The following VEGFC variants were observed in gnomAD, a reference collection of about 807,000 sequenced individuals.
VEGFC encodes the protein vascular endothelial growth factor C, also known as FLT4 ligand DHM.
In VEGFC, 12 loss-of-function variants were observed where a neutral mutation model predicts 46.1. The ratio of observed to expected loss-of-function variants is 0.26; its 90% CI spans 0.17 to 0.42. VEGFC has a LOEUF of 0.42. Ranked by LOEUF, VEGFC falls within the 10% of genes least tolerant of loss-of-function variation. VEGFC has a pLI of 1.00. For synonymous variants in VEGFC, 232 were observed against 195.5 expected (o/e 1.19, Z -1.56); for missense variants, 488 against 529.4 (o/e 0.92, Z 0.77).
chr4:176,738,820 A>G (rs1022628380), intron 1 of VEGFC, among the ~76,000 whole-genome samples: 3 of 152,078 alleles, frequency 2.0e-5, no homozygotes, highest in African/African-American at 7.2e-5. Context: ...AAAGTCTAAT[A>G]TCCAGAGTCT....
chr4:176,727,051 A>C (rs1734883101), intron 3 of VEGFC, among the ~76,000 whole-genome samples: 1 of 152,172 alleles, frequency 6.6e-6, no homozygotes, highest in Admixed American at 6.5e-5. Context: ...GGTGCACACA[A>C]TTTCAAACAA....
intron 1 of VEGFC, among the ~76,000 whole-genome samples, chr4:176,748,680 T>C (rs956175374): frequency 2.6e-5 from 4 of 152,012 alleles, no homozygotes; most frequent in Non-Finnish European, 5.9e-5. Flanking sequence ...CTATTTCTGA[T>C]AGTAATCAGA....
rs1736126283 is a variant in VEGFC at position 176,792,739 on chromosome 4, C to G, written c.-428G>C. On this transcript the variant is annotated 5_prime_UTR_variant, in exon 1 of 7. Transcript: ENST00000618562. The surrounding 1 kb of genome is among the most constrained non-coding windows in gnomAD (Gnocchi z 6.3). Reference sequence around the variant, plus strand: ...TCGTCCCCCTCCTCCCTCCCCTTCCCCGAAGTGAGAGGAGCCGGGCCGCGG... The same window carrying G: ...TCGTCCCCCTCCTCCCTCCCCTTCCGCGAAGTGAGAGGAGCCGGGCCGCGG... 1.3e-5 allele frequency: 2 copies of G among 150,394 alleles called. No individual in the cohort carries two copies. Among genetic ancestry groups the G allele is most frequent in the African/African-American group, 4.9e-5 (2 of 41,050 alleles). 9.3% of individuals were successfully genotyped at this position (150,394 alleles called of 1,614,324 possible).
At chr4:176,743,433 C>G (rs1318393140) in intron 1 of VEGFC, among the ~76,000 whole-genome samples, 1 of 151,742 alleles carries the variant, frequency 6.6e-6, no homozygotes, top group African/African-American at 2.4e-5. Flanking sequence ...ATGATTAAAA[C>G]TCTTGTCATG....
At chr4:176,711,716 A>T in intron 3 of VEGFC, 66 bp from the exon 4 acceptor site, 6 of 1,536,184 alleles carry the variant, frequency 3.9e-6, no homozygotes, top group Non-Finnish European at 5.3e-6. Context: ...TATGGTAAAT[A>T]TTGGAGTCCG....
At chr4:176,785,154 G>T (rs1379179075) in intron 1 of VEGFC, among the ~76,000 whole-genome samples, 1 of 152,162 alleles carries the variant, frequency 6.6e-6, no homozygotes, top group East Asian at 1.9e-4. Context: ...ACTTATGACT[G>T]CATACTTTAC....
At chr4:176,692,048 T>C (rs542190338) in intron 4 of VEGFC, among the ~76,000 whole-genome samples, 1 of 152,142 alleles carries the variant, frequency 6.6e-6, no homozygotes, top group East Asian at 1.9e-4. Flanking sequence ...GGGCAGCACC[T>C]GGAAAATCGG....
At chr4:176,760,645 G>T (rs1434946129) in intron 1 of VEGFC, among the ~76,000 whole-genome samples, 1 of 152,090 alleles carries the variant, frequency 6.6e-6, no homozygotes, top group East Asian at 1.9e-4. Context: ...ATCTATGCCA[G>T]AATTTTTTCA....
At position 176,758,916 on chromosome 4, in the gene VEGFC, G is replaced by C. The variant is rs560570104; in HGVS notation, c.148-29170C>G. Among the ~76,000 whole-genome samples, 52 of 152,178 alleles carry C rather than the reference G, an allele frequency of 3.4e-4. 1 individual carries two copies. Among genetic ancestry groups the C allele is most frequent in the African/African-American group, 1.2e-3 (50 of 41,528 alleles). On this transcript the variant is annotated intron_variant, in intron 1 of 6. Coordinates refer to ENST00000618562, the MANE Select transcript of VEGFC (RefSeq NM_005429.5). ...TTTAGCTTCCAGTGGCATTTGCTCA[G>C]CTGTATCCTTGGCATTGCAAGCTCA... is the stretch of plus-strand genomic sequence containing the variant.
At chr4:176,720,988 C>CT (rs1734777166) in intron 3 of VEGFC, among the ~76,000 whole-genome samples, 2 of 151,788 alleles carry the variant, frequency 1.3e-5, no homozygotes, top group Admixed American at 1.3e-4. Flanking sequence ...ATGTTTAGGC[C>CT]TAAGGATGAG....
chr4:176,720,054 C>T (rs988668831), intron 3 of VEGFC, among the ~76,000 whole-genome samples: 6 of 149,380 alleles, frequency 4.0e-5, no homozygotes, highest in Admixed American at 3.3e-4. Context: ...AGTGAGACTC[C>T]GTTTCAAAAA....
chr4:176,790,513 C>T (rs1310205617), intron 1 of VEGFC, among the ~76,000 whole-genome samples: 1 of 121,146 alleles, frequency 8.3e-6, no homozygotes, highest in Admixed American at 9.3e-5. Flanking sequence ...CAATCCCATA[C>T]CTATACATAA....
intron 1 of VEGFC, among the ~76,000 whole-genome samples, chr4:176,745,941 A>C (rs1735252453): frequency 6.6e-6 from 1 of 152,104 alleles, no homozygotes; most frequent in African/African-American, 2.4e-5. Flanking sequence ...ATTCAGTTTA[A>C]GAAATAGTTT....
intron 1 of VEGFC, among the ~76,000 whole-genome samples, chr4:176,754,739 G>T (rs1735403888): frequency 6.6e-6 from 1 of 152,136 alleles, no homozygotes; most frequent in African/African-American, 2.4e-5. Flanking sequence ...GGAGTAGGTT[G>T]TGGACATCTT....
chr4:176,722,522 G>A (rs1392718671), intron 3 of VEGFC, among the ~76,000 whole-genome samples: 2 of 147,012 alleles, frequency 1.4e-5, no homozygotes, highest in African/African-American at 5.1e-5. Context: ...TTGAGGCAGG[G>A]TCTGGCTCTG....
At chr4:176,697,374 A>T (rs1734337617) in intron 4 of VEGFC, among the ~76,000 whole-genome samples, 1 of 152,182 alleles carries the variant, frequency 6.6e-6, no homozygotes, top group African/African-American at 2.4e-5. Context: ...GCCAAAAAAC[A>T]CATGAAAAAA....
chr4:176,732,035 G>T (rs1265902099), intron 1 of VEGFC, among the ~76,000 whole-genome samples: 4 of 151,660 alleles, frequency 2.6e-5, no homozygotes, highest in Non-Finnish European at 5.9e-5. Context: ...GCTGAAAAAG[G>T]CCTTTTTAAA....
chr4:176,688,232 AC>A (rs1389193469), intron 4 of VEGFC, among the ~76,000 whole-genome samples: 2 of 151,400 alleles, frequency 1.3e-5, no homozygotes, highest in African/African-American at 4.9e-5. Context: ...ATAAGGTAAA[AC>A]CTTTTGCTTT....
chr4:176,737,861 T>C (rs1253051003), intron 1 of VEGFC, among the ~76,000 whole-genome samples: 3 of 151,946 alleles, frequency 2.0e-5, no homozygotes, highest in Non-Finnish European at 4.4e-5. Flanking sequence ...ACAGAATATG[T>C]CTTGCAAATG....
Sources: allele counts gnomAD v4.1 joint callset (sites outside exome capture counted in the v4.1 genomes callset), GRCh38; gene constraint gnomAD v4.1.1; non-coding constraint Gnocchi (gnomAD v3.1); transcripts MANE v1.5; gene names NCBI Gene and HGNC (gene_info 2026-07-23, HGNC 2026-07-21).